The following PIEZO2 variants were observed in gnomAD, a reference collection of about 807,000 sequenced individuals.
PIEZO2 encodes the protein piezo type mechanosensitive ion channel component 2, also known as piezo-type mechanosensitive ion channel component 2.
In PIEZO2, 172 loss-of-function variants were observed where a neutral mutation model predicts 337.3. The observed-to-expected ratio is 0.51, with a 90% CI of 0.45 to 0.58. The LOEUF (loss-of-function observed/expected upper bound fraction) is 0.58, where lower values mean the gene tolerates loss of function less well. Ranked by LOEUF, PIEZO2 falls within the 20% of genes least tolerant of loss-of-function variation. The pLI is 0.00. For synonymous variants in PIEZO2, 1,251 were observed against 1,228.5 expected (o/e 1.02, Z -0.38); for missense variants, 3,028 against 3,391.3 (o/e 0.89, Z 2.66).
At position 10,812,882 on chromosome 18, in the gene PIEZO2, C is replaced by G. The variant is rs142894904; in HGVS notation, c.918-5608G>C. 3.5e-3 allele frequency among the ~76,000 whole-genome samples: 529 copies of G among 152,218 alleles called. 1 individual carries two copies. Among genetic ancestry groups the G allele is most frequent in the African/African-American group, 0.012 (496 of 41,526 alleles). On this transcript the variant is annotated intron_variant, in intron 7 of 55. Coordinates refer to ENST00000674853, the MANE Select transcript of PIEZO2 (RefSeq NM_001378183.1). Reference sequence around the variant, plus strand: ...TGCTCCGTCTCTGGTAATACAGGATCCCAGCCATTGGCAAGAAATACGTAA... The same window carrying G: ...TGCTCCGTCTCTGGTAATACAGGATGCCAGCCATTGGCAAGAAATACGTAA...
At position 10,954,294 on chromosome 18, in the gene PIEZO2, G is replaced by C. The variant is rs968263723; in HGVS notation, c.286+25241C>G. 6.6e-6 allele frequency among the ~76,000 whole-genome samples: 1 copy of C among 152,182 alleles called. No homozygotes were observed. Among genetic ancestry groups the C allele is most frequent in the Admixed American group, 6.5e-5 (1 of 15,282 alleles). ...AGAAAGGACATTTTAACAACAGTGA[G>C]TCTTCCAATCCATGAACACAATGTA... On this transcript the variant is annotated intron_variant, in intron 3 of 55. Transcript: ENST00000674853. This position sits in a 1 kb window ranked among gnomAD's most constrained non-coding sequence, Gnocchi z 4.2.
chr18:10,794,634 TAC>T lies in PIEZO2; in HGVS notation c.1758+136_1758+137del. The stretch of plus-strand genomic sequence containing the variant: ...CCTCTAAGCACCGCAAACTGTTTCT[TAC>T]AGTCTCATGTTTGTTCATTTTTACA... On this transcript the variant is annotated intron_variant, in intron 13 of 55. Transcript: ENST00000674853. This position sits in a 1 kb window ranked among gnomAD's most constrained non-coding sequence, Gnocchi z 6.6. 7.0e-6 allele frequency: 5 copies of T among 709,590 alleles called. 2 individuals carry two copies. In the South Asian group the frequency reaches 1.0e-4, roughly 14 times the overall value. The allele number at this position is 709,590 out of a possible 1,614,324, so 44.0% of individuals were successfully genotyped here. A position where few individuals can be genotyped will look rare whatever the true frequency, so the allele number is the denominator to read the frequency against.
chr18:11,073,958 T>A (rs200830235), intron 1 of PIEZO2, among the ~76,000 whole-genome samples: 7 of 151,804 alleles, frequency 4.6e-5, no homozygotes, highest in East Asian at 2.0e-4. Flanking sequence ...GTGATTCTCC[T>A]GCCTCAGCCT....
chr18:10,848,498 G>GTACC (rs2041434426), intron 7 of PIEZO2, among the ~76,000 whole-genome samples: 1 of 152,134 alleles, frequency 6.6e-6, no homozygotes, highest in Admixed American at 6.5e-5. Context: ...TGATAAAAAA[G>GTACC]GGTAACAGGA....
At chr18:10,809,244 TTC>T (rs1218804166) in intron 7 of PIEZO2, among the ~76,000 whole-genome samples, 11 of 120,132 alleles carry the variant, frequency 9.2e-5, no homozygotes, top group East Asian at 5.5e-4. Flanking sequence ...AACCTAAGAT[TTC>T]TCTCTCTCTC....
rs577912835 is a variant in PIEZO2 at position 10,724,056 on chromosome 18, C to A, written c.5030-5797G>T. 2.6e-5 allele frequency among the ~76,000 whole-genome samples: 4 copies of A among 152,304 alleles called. No individual in the cohort carries two copies. Among genetic ancestry groups the A allele is most frequent in the South Asian group, 2.1e-4 (1 of 4,820 alleles). ...TTCTCACCTACCTAATCAGCCCAGG[C>A]AGCTGTGGCTGCACTGTACCACCTC... On this transcript the variant is annotated intron_variant, in intron 36 of 55. Coordinates refer to ENST00000674853, the MANE Select transcript of PIEZO2 (RefSeq NM_001378183.1). This position sits in a 1 kb window ranked among gnomAD's most constrained non-coding sequence, Gnocchi z 5.8.
At chr18:10,902,594 A>T (rs1177715099) in intron 4 of PIEZO2, among the ~76,000 whole-genome samples, 1 of 152,218 alleles carries the variant, frequency 6.6e-6, no homozygotes, top group Non-Finnish European at 1.5e-5. Flanking sequence ...ACAGACTTAT[A>T]AAGGTGTATA....
At chr18:10,701,935 A>G in intron 43 of PIEZO2, 54 bp downstream of exon 43, 1 of 1,408,620 alleles carries the variant, frequency 7.1e-7, no homozygotes, top group South Asian at 1.5e-5. Context: ...ATTACGGTCC[A>G]GGTTATCTAG....
chr18:11,033,089 G>A lies in PIEZO2; in HGVS notation c.160+33038C>T, dbSNP rs1281194750. ...CTGACTGGTCATATACGGACAAGAG[G>A]AGAGAAACAATAATAGACAGCACCT... On this transcript the variant is annotated intron_variant, in intron 2 of 55. Coordinates refer to ENST00000674853, the MANE Select transcript of PIEZO2 (RefSeq NM_001378183.1). This position sits in a 1 kb window ranked among gnomAD's most constrained non-coding sequence, Gnocchi z 4.2. Among the ~76,000 whole-genome samples the A allele has an allele frequency of 6.6e-6, 1 of 152,208 alleles. No individual in the cohort carries two copies. Among genetic ancestry groups the A allele is most frequent in the African/African-American group, 2.4e-5 (1 of 41,460 alleles).
At chr18:11,005,627 A>C (rs369104303) in intron 2 of PIEZO2, among the ~76,000 whole-genome samples, 1 of 152,106 alleles carries the variant, frequency 6.6e-6, no homozygotes, top group South Asian at 2.1e-4. Context: ...AAGCTCCTTC[A>C]CTCATGCATT....
At chr18:10,740,137 A>G (rs1000483449) in intron 33 of PIEZO2, 1 of 152,244 alleles carries the variant, frequency 6.6e-6, no homozygotes, top group African/African-American at 2.4e-5. Flanking sequence ...ATAATTATTC[A>G]ATATTCTATG....
Position 10,682,246 on chromosome 18 carries a change from T to C in PIEZO2, c.7544A>G (p.Tyr2515Cys). Residue 2515 changes from tyrosine (Y) to cysteine (C), a missense_variant, in exon 50 of 56, where the codon TAT (tyrosine) becomes TGT (cysteine). Around this residue, in one of 5 missense-constraint regions of PIEZO2, gnomAD observed 179 missense variants for 281.8 expected, o/e 0.64. Transcript: ENST00000674853. The surrounding 1 kb of genome is among the most constrained non-coding windows in gnomAD (Gnocchi z 5.6). Reference sequence around the variant, plus strand: ...GACGATGATCATTCCTCCCATGCCATACTTCACCACTTTCTTCTTCTTCTG... The same window carrying C: ...GACGATGATCATTCCTCCCATGCCACACTTCACCACTTTCTTCTTCTTCTG... ...RGQKKKKVVK[Y>C]GMGGMIIVLL... 2 of 1,537,220 alleles carry C rather than the reference T, an allele frequency of 1.3e-6. No homozygotes were observed. The highest frequency in any genetic ancestry group is 1.2e-5 in the South Asian group (1 of 84,062).
At chr18:10,896,815 G>A (rs1289369285) in intron 4 of PIEZO2, among the ~76,000 whole-genome samples, 1 of 152,190 alleles carries the variant, frequency 6.6e-6, no homozygotes, top group African/African-American at 2.4e-5. Flanking sequence ...CCTCATGTCT[G>A]AGAAGAAGGT....
chr18:10,721,943 CAGG>C (rs1031465761), intron 36 of PIEZO2, among the ~76,000 whole-genome samples: 2 of 152,044 alleles, frequency 1.3e-5, no homozygotes, highest in African/African-American at 4.8e-5. Flanking sequence ...ATCACAAGAT[CAGG>C]AGATCTAGAC....
chr18:11,117,413 T>G (rs2039922328), intron 1 of PIEZO2, among the ~76,000 whole-genome samples: 4 of 152,178 alleles, frequency 2.6e-5, no homozygotes, highest in African/African-American at 9.7e-5. Context: ...TTTGGGACCC[T>G]CAACATGACA....
rs2146135917 is a variant in PIEZO2, at chr18:11,109,599, TC to T, written c.64+38925del. The stretch of plus-strand genomic sequence containing the variant: ...CGGGCATGGTGGCATGCACCTGTAA[TC>T]CCAGCTACACCGGAGGCTGAGGCAA... On this transcript the variant is annotated intron_variant, in intron 1 of 55. Coordinates refer to ENST00000674853, the MANE Select transcript of PIEZO2 (RefSeq NM_001378183.1). The surrounding 1 kb of genome is among the most constrained non-coding windows in gnomAD (Gnocchi z 5.1). Among the ~76,000 whole-genome samples, 2 of 152,130 alleles carry T rather than the reference TC, an allele frequency of 1.3e-5. No homozygotes were observed. Among genetic ancestry groups the T allele is most frequent in the East Asian group, 3.9e-4 (2 of 5,162 alleles).
chr18:11,015,590 C>T (rs983176), intron 2 of PIEZO2, among the ~76,000 whole-genome samples: 46,779 of 151,924 alleles, frequency 0.31, 7,565 homozygotes, highest in Non-Finnish European at 0.36. Context: ...TTTAAGAGAA[C>T]GCCTTGATAA....
chr18:11,113,752 T>A lies in PIEZO2; in HGVS notation c.64+34773A>T, dbSNP rs1342029930. Among the ~76,000 whole-genome samples, 15 of 152,184 alleles carry A rather than the reference T, an allele frequency of 9.9e-5. 1 individual carries two copies. Among genetic ancestry groups the A allele is most frequent in the Admixed American group, 9.2e-4 (14 of 15,274 alleles). On this transcript the variant is annotated intron_variant, in intron 1 of 55. Coordinates refer to ENST00000674853, the MANE Select transcript of PIEZO2 (RefSeq NM_001378183.1). ...AGTCATCCCCTTAGCACATTCTCTG[T>A]GACAACGCAGGCCTTCCTGGCCACC...
chr18:10,723,913 G>A (rs1468508550), intron 36 of PIEZO2, among the ~76,000 whole-genome samples: 1 of 152,190 alleles, frequency 6.6e-6, no homozygotes, highest in Non-Finnish European at 1.5e-5. Flanking sequence ...TAAGCATGGG[G>A]CCCTCAGACA....
Sources: allele counts gnomAD v4.1 joint callset (sites outside exome capture counted in the v4.1 genomes callset), GRCh38; gene constraint gnomAD v4.1.1; regional missense constraint gnomAD v4.1.1; non-coding constraint Gnocchi (gnomAD v3.1); transcripts MANE v1.5; gene names NCBI Gene and HGNC (gene_info 2026-07-23, HGNC 2026-07-21).